SLX4IP: variants seen among roughly 807,000 people sequenced by gnomAD.
The protein encoded by SLX4IP is protein SLX4IP.
Under a neutral mutation model 32.9 loss-of-function variants are expected in SLX4IP, and 34 were observed. That is an observed-to-expected ratio of 1.03 (90% CI 0.79 to 1.38). The LOEUF is 1.38. Ranked by LOEUF, SLX4IP falls within the 40% of genes most tolerant of loss-of-function variation. The pLI, the probability that SLX4IP is intolerant of heterozygous loss-of-function variation, is 0.00. For missense variants in SLX4IP, 444 were observed against 479.0 expected (o/e 0.93, Z 0.68); for synonymous variants, 172 against 171.7 (o/e 1.00, Z -0.01).
intron 1 of SLX4IP, among the ~76,000 whole-genome samples, chr20:10,452,321 A>G (rs1477960636): frequency 1.3e-5 from 2 of 152,234 alleles, no homozygotes; most frequent in East Asian, 3.9e-4. Context: ...GCTTGAGCTC[A>G]GGAGATGAAG....
intron 1 of SLX4IP, among the ~76,000 whole-genome samples, chr20:10,436,350 C>T (rs2065113940): frequency 7.4e-6 from 1 of 134,520 alleles, no homozygotes; most frequent in Non-Finnish European, 1.7e-5. Context: ...AAAGATACAG[C>T]CCTTTCTTTC....
chr20:10,602,656 C>T (rs556419766), intron 6 of SLX4IP, among the ~76,000 whole-genome samples: 5 of 152,160 alleles, frequency 3.3e-5, no homozygotes, highest in Non-Finnish European at 7.4e-5. Flanking sequence ...AGACATTAAC[C>T]GGGCCATGAA....
chr20:10,437,914 G>C (rs1482253504), intron 1 of SLX4IP, among the ~76,000 whole-genome samples: 1 of 152,176 alleles, frequency 6.6e-6, no homozygotes. Flanking sequence ...TTGTGACCTT[G>C]ATCAGATAAC....
intron 2 of SLX4IP, among the ~76,000 whole-genome samples, chr20:10,537,205 A>G (rs1320531805): frequency 6.6e-6 from 1 of 152,198 alleles, no homozygotes; most frequent in African/African-American, 2.4e-5. Context: ...TGCTGAAATA[A>G]CGCACTGTGT....
rs2065256899 is a variant in SLX4IP at position 10,453,156 on chromosome 20, A to G, written c.-29-5020A>G. Among the ~76,000 whole-genome samples the G allele has an allele frequency of 2.0e-5, 3 of 152,348 alleles. No homozygotes were observed. The South Asian group carries it at 6.2e-4, about 32-fold the overall frequency. On this transcript the variant is annotated intron_variant, in intron 1 of 7. Transcript: ENST00000334534. ...ATTATAACTATAAATGCTAGTCATA[A>G]CTGAACTGTGTATTAAGCACTCTTT...
intron 3 of SLX4IP, among the ~76,000 whole-genome samples, chr20:10,556,583 A>G (rs1379175381): frequency 7.9e-5 from 12 of 152,096 alleles, no homozygotes; most frequent in Admixed American, 7.9e-4. Context: ...AAGGATTTCT[A>G]TATATTCAAA....
intron 5 of SLX4IP, among the ~76,000 whole-genome samples, chr20:10,599,250 G>T (rs1460649693): frequency 6.6e-6 from 1 of 152,050 alleles, no homozygotes; most frequent in East Asian, 1.9e-4. Context: ...TCATTCTCCA[G>T]GTTGATCTGA....
Position 10,535,619 on chromosome 20 carries a change from C to A in SLX4IP, c.28-20612C>A, listed in dbSNP as rs1327854692. On this transcript the variant is annotated intron_variant, in intron 2 of 7. Coordinates refer to ENST00000334534, the MANE Select transcript of SLX4IP (RefSeq NM_001009608.3). ...TACAGGCATGAGCTACTGCGCCCGG[C>A]CCAAGAACATGTAGTTTTGTCTAGG... 2.6e-5 allele frequency among the ~76,000 whole-genome samples: 4 copies of A among 152,156 alleles called. No homozygotes were observed. The East Asian group carries it at 7.7e-4, about 29-fold the overall frequency.
chr20:10,559,405 T>G (rs1293568502), intron 3 of SLX4IP, among the ~76,000 whole-genome samples: 2 of 152,220 alleles, frequency 1.3e-5, no homozygotes, highest in Non-Finnish European at 2.9e-5. Flanking sequence ...GCTAAAAATT[T>G]TGTTGTTTTA....
intron 2 of SLX4IP, among the ~76,000 whole-genome samples, chr20:10,473,089 A>G (rs1417289308): frequency 6.6e-6 from 1 of 152,174 alleles, no homozygotes; most frequent in Non-Finnish European, 1.5e-5. Flanking sequence ...TGAACAGCTG[A>G]GTTATTTGGC....
At chr20:10,592,838 G>GTT (rs1568759626) in intron 4 of SLX4IP, among the ~76,000 whole-genome samples, 2 of 151,480 alleles carry the variant, frequency 1.3e-5, no homozygotes, top group Admixed American at 6.6e-5. Context: ...TTCACCATGT[G>GTT]AGCCAGGATG....
chr20:10,485,657 CA>C (rs2065565970), intron 2 of SLX4IP, among the ~76,000 whole-genome samples: 1 of 151,588 alleles, frequency 6.6e-6, no homozygotes, highest in African/African-American at 2.4e-5. Context: ...TTGACTCCCC[CA>C]AAACTTAACT....
At chr20:10,473,352 G>C (rs1046879910) in intron 2 of SLX4IP, among the ~76,000 whole-genome samples, 39 of 152,194 alleles carry the variant, frequency 2.6e-4, no homozygotes, top group African/African-American at 7.0e-4. Context: ...CCCTGGACCA[G>C]CAGCATTAGT....
intron 2 of SLX4IP, among the ~76,000 whole-genome samples, chr20:10,520,712 C>T (rs1351929252): frequency 1.3e-5 from 2 of 152,210 alleles, no homozygotes; most frequent in African/African-American, 4.8e-5. Context: ...ATGAGCCCAG[C>T]TTTAATTCTT....
chr20:10,574,316 C>T (rs1348383834), intron 4 of SLX4IP, among the ~76,000 whole-genome samples: 1 of 152,192 alleles, frequency 6.6e-6, no homozygotes, highest in African/African-American at 2.4e-5. Context: ...TGAACCATTA[C>T]AAGACCTTTC....
rs557723693 is a variant in SLX4IP, at chr20:10,438,733, G to T, written c.-30+3280G>T. 5.3e-5 allele frequency among the ~76,000 whole-genome samples: 8 copies of T among 152,052 alleles called. No homozygotes were observed. In the East Asian group the frequency reaches 1.5e-3, roughly 29 times the overall value. On this transcript the variant is annotated intron_variant, in intron 1 of 7. Coordinates refer to ENST00000334534, the MANE Select transcript of SLX4IP (RefSeq NM_001009608.3). Reference sequence around the variant, plus strand: ...GATCTGCCTACCTTGGCATCCCAAAGTGCTGGGATTACAGGAGTGAGCCAC... The same window carrying T: ...GATCTGCCTACCTTGGCATCCCAAATTGCTGGGATTACAGGAGTGAGCCAC...
intron 4 of SLX4IP, among the ~76,000 whole-genome samples, chr20:10,578,716 A>G (rs1487870876): frequency 6.6e-6 from 1 of 152,046 alleles, no homozygotes; most frequent in Admixed American, 6.6e-5. Context: ...TGAGGCTTCT[A>G]TTTTCTCCAC....
At chr20:10,487,081 A>G (rs2065581018) in intron 2 of SLX4IP, among the ~76,000 whole-genome samples, 1 of 152,228 alleles carries the variant, frequency 6.6e-6, no homozygotes. Context: ...CTAACTCTGA[A>G]TGCCTCTGTT....
intron 7 of SLX4IP, 39 bp downstream of exon 7, chr20:10,621,453 T>C (rs369937771): frequency 2.6e-6 from 4 of 1,561,828 alleles, no homozygotes; most frequent in Non-Finnish European, 3.5e-6. Flanking sequence ...TTTTTGCCTG[T>C]CTCTATGTAT....
Sources: gnomAD v4.1 joint callset for allele counts (sites outside exome capture counted in the v4.1 genomes callset) on GRCh38, gnomAD v4.1.1 for gene constraint, MANE v1.5 for transcripts, NCBI Gene and HGNC (gene_info 2026-07-23, HGNC 2026-07-21) for gene names.